The following C3orf33 variants were observed in gnomAD, a reference collection of about 807,000 sequenced individuals.
C3orf33 encodes the protein mitochondrial inner membrane subdomain organizer 1.
C3orf33 carries 23 observed loss-of-function variants against 28.7 expected under a neutral mutation model. That is an observed-to-expected ratio of 0.80 (90% CI 0.58 to 1.13). The LOEUF is 1.13. Among genes scored for constraint, C3orf33 ranks in the 50% most tolerant of loss-of-function variants. C3orf33 has a pLI of 0.00. For synonymous variants in C3orf33, 119 were observed against 120.5 expected (o/e 0.99, Z 0.08); for missense variants, 327 against 353.4 (o/e 0.93, Z 0.60).
intron 4 of C3orf33, among the ~76,000 whole-genome samples, chr3:155,766,719 C>T (rs1044979773): frequency 1.3e-5 from 2 of 151,904 alleles, no homozygotes; most frequent in Non-Finnish European, 2.9e-5. Context: ...GAGGCTGAGG[C>T]AGGCAGATCA....
At chr3:155,775,971 C>T (rs1450340464) in intron 2 of C3orf33, 123 bp from the exon 3 acceptor site, 1 of 649,006 alleles carries the variant, frequency 1.5e-6, no homozygotes, top group East Asian at 3.0e-5. Flanking sequence ...AAATTTAGTT[C>T]CTAATTTTAT....
intron 2 of C3orf33, among the ~76,000 whole-genome samples, chr3:155,784,937 C>A (rs950302512): frequency 6.6e-6 from 1 of 151,560 alleles, no homozygotes; most frequent in Admixed American, 6.6e-5. Context: ...AGAGATCAGC[C>A]TAATTTATTT....
chr3:155,767,566 C>T lies in C3orf33; in HGVS notation c.426G>A (p.Trp142Ter). Residue 142 changes from tryptophan (W) to a stop codon, truncating the protein, a stop_gained, in exon 4 of 5, where the codon TGG becomes TGA. Coordinates refer to ENST00000340171, the MANE Select transcript of C3orf33 (RefSeq NM_001308229.2). LOFTEE classifies it high-confidence loss of function. ...AATTCTCCTTTCCAAGAAGTTGGAA[C>T]CATAGTAATTGGGAAGGTTTTAGCT... Reference protein sequence around the residue: ...QKELKPSQLLWFQLLGKENSA... With the variant: ...QKELKPSQLL 1 of 1,596,418 alleles carries T rather than the reference C, an allele frequency of 6.3e-7. No individual in the cohort carries two copies. Among genetic ancestry groups the T allele is most frequent in the Non-Finnish European group, 8.6e-7 (1 of 1,169,040 alleles).
intron 3 of C3orf33, among the ~76,000 whole-genome samples, chr3:155,771,004 T>TG (rs1395869050): frequency 6.5e-5 from 7 of 106,984 alleles, no homozygotes; most frequent in South Asian, 3.4e-4. Flanking sequence ...TGAGACATAG[T>TG]TTTGCTCTGC....
chr3:155,771,173 ATG>A (rs774059548), intron 3 of C3orf33, among the ~76,000 whole-genome samples: 84 of 151,652 alleles, frequency 5.5e-4, no homozygotes, highest in Non-Finnish European at 1.1e-3. Flanking sequence ...TGGCATGATC[ATG>A]GCTCACTGTA....
chr3:155,805,321 G>A lies in C3orf33; in HGVS notation c.114+818C>T, dbSNP rs1461107646. ...CTACAAACAAAAAACAAATTAGCCT[G>A]GTGTGGTGACAAGTGCCTGTAGCCC... On this transcript the variant is annotated intron_variant, in intron 1 of 4. Coordinates refer to ENST00000340171, the MANE Select transcript of C3orf33 (RefSeq NM_001308229.2). Among the ~76,000 whole-genome samples the A allele has an allele frequency of 7.1e-5, 7 of 98,640 alleles. No individual in the cohort carries two copies. The East Asian group carries it at 2.4e-3, about 34-fold the overall frequency. 64.7% of individuals were successfully genotyped at this position (98,640 alleles called of 152,430 possible). A position where few individuals can be genotyped will look rare whatever the true frequency, so the allele number is the denominator to read the frequency against.
At chr3:155,769,501 AAAG>A (rs1352968055) in intron 3 of C3orf33, among the ~76,000 whole-genome samples, 10 of 149,260 alleles carry the variant, frequency 6.7e-5, no homozygotes, top group Non-Finnish European at 7.4e-5. Context: ...AAAAAAAAAA[AAAG>A]AAGAAGAAGA....
chr3:155,780,989 CTTCTTTT>C (rs1750901117), intron 2 of C3orf33, among the ~76,000 whole-genome samples: 1 of 148,050 alleles, frequency 6.8e-6, no homozygotes, highest in East Asian at 1.9e-4. Flanking sequence ...TACCTCTAGA[CTTCTTTT>C]TTTTTTTTTT....
At chr3:155,771,586 A>G (rs1750594903) in intron 3 of C3orf33, among the ~76,000 whole-genome samples, 1 of 152,166 alleles carries the variant, frequency 6.6e-6, no homozygotes, top group African/African-American at 2.4e-5. Flanking sequence ...GTGTGGAGAC[A>G]GGGTTTCACA....
At chr3:155,790,226 A>G (rs962559598) in intron 2 of C3orf33, among the ~76,000 whole-genome samples, 3 of 146,230 alleles carry the variant, frequency 2.1e-5, no homozygotes, top group Admixed American at 1.4e-4. Context: ...CATGCAAAAA[A>G]GAAAAAAAAA....
At chr3:155,796,215 T>A (rs1455359399) in intron 2 of C3orf33, among the ~76,000 whole-genome samples, 1 of 152,080 alleles carries the variant, frequency 6.6e-6, no homozygotes, top group East Asian at 1.9e-4. Flanking sequence ...ATATGAAAAG[T>A]TGCTTTTTTG....
chr3:155,787,738 T>C (rs1751171743), intron 2 of C3orf33, among the ~76,000 whole-genome samples: 1 of 151,536 alleles, frequency 6.6e-6, no homozygotes, highest in Non-Finnish European at 1.5e-5. Context: ...GGCCTTGAAC[T>C]CCTGGGTTCA....
intron 2 of C3orf33, among the ~76,000 whole-genome samples, chr3:155,793,456 A>G (rs551947884): frequency 5.5e-4 from 84 of 152,220 alleles, no homozygotes; most frequent in African/African-American, 2.0e-3. Flanking sequence ...GGTAACAGAA[A>G]GTACAAAGAA....
intron 2 of C3orf33, among the ~76,000 whole-genome samples, chr3:155,801,458 C>T (rs902366483): frequency 6.6e-6 from 1 of 152,030 alleles, no homozygotes; most frequent in Admixed American, 6.6e-5. Flanking sequence ...ACAGCTAAAA[C>T]ATGGAAGCAA....
At chr3:155,769,754 A>G (rs868012231) in intron 3 of C3orf33, among the ~76,000 whole-genome samples, 2 of 152,186 alleles carry the variant, frequency 1.3e-5, no homozygotes, top group African/African-American at 4.8e-5. Flanking sequence ...TTCCCAGGAA[A>G]ATAGGGGCAG....
chr3:155,780,763 G>C, intron 2 of C3orf33, among the ~76,000 whole-genome samples: 1 of 152,270 alleles, frequency 6.6e-6, no homozygotes, highest in East Asian at 1.9e-4. Context: ...TGTGACAGAG[G>C]ATGTAAACAA....
At chr3:155,797,200 G>A (rs398320) in intron 2 of C3orf33, among the ~76,000 whole-genome samples, 122,717 of 152,112 alleles carry the variant, frequency 0.81, 49,636 homozygotes, top group East Asian at 0.92. Flanking sequence ...AAAGACAAAA[G>A]CCATACAAAC....
chr3:155,764,017 G>C, intron 4 of C3orf33, 99 bp from the exon 5 acceptor site: 1 of 1,002,304 alleles, frequency 1.0e-6, no homozygotes, highest in East Asian at 3.2e-5. Context: ...AACAATTTTA[G>C]TCCTCCAAAG....
chr3:155,768,043 C>G (rs114544712), intron 3 of C3orf33, among the ~76,000 whole-genome samples: 1,981 of 152,172 alleles, frequency 0.013, 19 homozygotes, highest in Middle Eastern at 0.048. Context: ...CCATGCCCAG[C>G]TGATTGTTGC....
Sources: gnomAD v4.1 joint callset for allele counts (sites outside exome capture counted in the v4.1 genomes callset) on GRCh38, gnomAD v4.1.1 for gene constraint, MANE v1.5 for transcripts, NCBI Gene and HGNC (gene_info 2026-07-23, HGNC 2026-07-21) for gene names.